CSMD3: variants seen among roughly 807,000 people sequenced by gnomAD.
CSMD3 encodes the protein CUB and Sushi multiple domains 3.
CSMD3 carries 177 observed loss-of-function variants against 435.2 expected under a neutral mutation model. That is an observed-to-expected ratio of 0.41 (90% CI 0.36 to 0.46). CSMD3 has a LOEUF of 0.46. Ranked by LOEUF, CSMD3 falls within the 20% of genes least tolerant of loss-of-function variation. The pLI is 0.34. For missense variants in CSMD3, 4,265 were observed against 4,504.6 expected, an observed-to-expected ratio of 0.95 and a Z score of 1.52; for synonymous variants, 1,656 against 1,520.5, an observed-to-expected ratio of 1.09 and a Z score of -2.07.
intron 5 of CSMD3, among the ~76,000 whole-genome samples, chr8:113,084,029 G>A (rs528801142): frequency 1.3e-5 from 2 of 151,894 alleles, no homozygotes; most frequent in Admixed American, 6.6e-5. Context: ...ACTGGCTAAC[G>A]AATAAAAAAC....
chr8:112,562,921 A>C (rs1256890809), intron 24 of CSMD3, among the ~76,000 whole-genome samples: 1 of 151,722 alleles, frequency 6.6e-6, no homozygotes, highest in African/African-American at 2.4e-5. Flanking sequence ...CCTTTTTAAC[A>C]ATCTATTTCT....
At chr8:112,356,216 A>ACACATG (rs1826584094) in intron 38 of CSMD3, among the ~76,000 whole-genome samples, 1 of 152,204 alleles carries the variant, frequency 6.6e-6, no homozygotes, top group East Asian at 1.9e-4. Flanking sequence ...CTACCAAAAG[A>ACACATG]CACATGCACT....
intron 1 of CSMD3, among the ~76,000 whole-genome samples, chr8:113,395,608 CAAAA>C (rs34549872): frequency 5.4e-5 from 6 of 110,700 alleles, no homozygotes; most frequent in East Asian, 2.7e-4. Flanking sequence ...GACTCCGTCT[CAAAA>C]AAAAAAAAAA....
At chr8:112,366,116 G>T (rs187764192) in intron 38 of CSMD3, among the ~76,000 whole-genome samples, 1 of 152,278 alleles carries the variant, frequency 6.6e-6, no homozygotes, top group East Asian at 1.9e-4. Flanking sequence ...GCTACCAAAA[G>T]GTGGAAGTGG....
At position 112,406,531 on chromosome 8, in the gene CSMD3, A is replaced by C. The variant is rs1163094304; in HGVS notation, c.5802T>G (p.Thr1934=). The change falls in exon 35 of 71, where the codon ACT becomes ACG. Residue 1934 remains threonine, a synonymous_variant. Transcript: ENST00000297405. ...SLAQWNDSLP[T]CIVPCGGILT... is the part of the protein sequence containing the mutation. Reference sequence around the variant, plus strand: ...ACAAATTTATATACTCACCAATACAAGTAGGTAAGGAATCATTCCACTGGG... The same window carrying C: ...ACAAATTTATATACTCACCAATACACGTAGGTAAGGAATCATTCCACTGGG... 5 of 1,603,108 alleles carry C rather than the reference A, an allele frequency of 3.1e-6. No homozygotes were observed. The highest frequency in any genetic ancestry group is 2.6e-6 in the Non-Finnish European group (3 of 1,171,126).
chr8:113,410,884 A>G (rs1217846907), intron 1 of CSMD3, among the ~76,000 whole-genome samples: 2 of 138,312 alleles, frequency 1.4e-5, no homozygotes, highest in Non-Finnish European at 3.1e-5. Context: ...CAGCCTTGTG[A>G]CAGAGCAAAA....
intron 27 of CSMD3, among the ~76,000 whole-genome samples, chr8:112,521,159 A>T (rs1245904931): frequency 1.3e-5 from 2 of 151,950 alleles, no homozygotes; most frequent in African/African-American, 2.4e-5. Context: ...TCTATCTTCC[A>T]TTTTAAATAA....
intron 27 of CSMD3, among the ~76,000 whole-genome samples, chr8:112,518,244 T>C (rs1307404974): frequency 1.3e-5 from 2 of 152,036 alleles, no homozygotes; most frequent in Non-Finnish European, 2.9e-5. Context: ...CTCACACCTG[T>C]AATCCCAGCA....
chr8:112,585,010 C>CA (rs1022718763), intron 23 of CSMD3, among the ~76,000 whole-genome samples: 60 of 151,496 alleles, frequency 4.0e-4, no homozygotes, highest in Middle Eastern at 3.4e-3. Context: ...GTTTCCATGT[C>CA]AAAGGGTATC....
intron 61 of CSMD3, among the ~76,000 whole-genome samples, chr8:112,257,610 C>A (rs916515484): frequency 7.2e-5 from 11 of 152,108 alleles, no homozygotes; most frequent in African/African-American, 2.7e-4. Flanking sequence ...AACTACAAAC[C>A]ACTGCTCAAG....
intron 1 of CSMD3, among the ~76,000 whole-genome samples, chr8:113,433,769 G>T (rs1353088339): frequency 6.6e-6 from 1 of 152,208 alleles, no homozygotes; most frequent in African/African-American, 2.4e-5. Flanking sequence ...TGGGCGGGAC[G>T]CTTAAGCACG....
At chr8:112,704,386 T>C (rs546167075) in intron 13 of CSMD3, among the ~76,000 whole-genome samples, 1 of 152,292 alleles carries the variant, frequency 6.6e-6, no homozygotes, top group Non-Finnish European at 1.5e-5. Flanking sequence ...TAACGTGAAG[T>C]TGTTTTTATG....
At position 112,829,793 on chromosome 8, in the gene CSMD3, G is replaced by C. The variant is rs138729193; in HGVS notation, c.1756-4C>G. The C allele has an allele frequency of 1.3e-6, 2 of 1,541,964 alleles. No homozygotes were observed. Among genetic ancestry groups the C allele is most frequent in the African/African-American group, 1.4e-5 (1 of 73,304 alleles). On this transcript the variant is annotated splice_polypyrimidine_tract_variant and splice_region_variant and intron_variant, in intron 11 of 70. Transcript: ENST00000297405. ...CTTCAAAATTTATCTGGATAACCTA[G>C]CAGTAAACAGAAACATGCACCTTAA...
intron 12 of CSMD3, among the ~76,000 whole-genome samples, chr8:112,801,096 G>A (rs1358832405): frequency 2.0e-5 from 3 of 152,012 alleles, no homozygotes; most frequent in Non-Finnish European, 2.9e-5. Context: ...ATTGATAAGA[G>A]ATTCTAAATT....
At chr8:113,202,101 C>A (rs1347034124) in intron 3 of CSMD3, among the ~76,000 whole-genome samples, 1 of 151,992 alleles carries the variant, frequency 6.6e-6, no homozygotes, top group African/African-American at 2.4e-5. Flanking sequence ...CATGCCAAAT[C>A]GTAACACTTG....
At chr8:112,694,240 G>A (rs1354094118) in intron 13 of CSMD3, among the ~76,000 whole-genome samples, 1 of 151,988 alleles carries the variant, frequency 6.6e-6, no homozygotes, top group East Asian at 1.9e-4. Flanking sequence ...TTTATACAGT[G>A]AATCATAATG....
intron 13 of CSMD3, among the ~76,000 whole-genome samples, chr8:112,796,822 C>T (rs993824826): frequency 7.2e-5 from 11 of 151,862 alleles, no homozygotes; most frequent in Non-Finnish European, 1.5e-4. Flanking sequence ...AGAATGGCCA[C>T]GACTTTGTTA....
At chr8:112,641,112 A>G (rs988721118) in intron 20 of CSMD3, among the ~76,000 whole-genome samples, 30 of 152,176 alleles carry the variant, frequency 2.0e-4, no homozygotes, top group African/African-American at 7.2e-4. Context: ...ATGACTTCGC[A>G]CAGTGACTGG....
intron 10 of CSMD3, among the ~76,000 whole-genome samples, chr8:112,904,822 G>A (rs2082211280): frequency 6.6e-6 from 1 of 151,220 alleles, no homozygotes; most frequent in Non-Finnish European, 1.5e-5. Flanking sequence ...CTACATTAAA[G>A]ATTTGGGACA....
Sources: allele counts gnomAD v4.1 joint callset (sites outside exome capture counted in the v4.1 genomes callset), GRCh38; gene constraint gnomAD v4.1.1; transcripts MANE v1.5; gene names NCBI Gene and HGNC (gene_info 2026-07-23, HGNC 2026-07-21).